CT55: variants seen among roughly 807,000 people sequenced by gnomAD.
The protein encoded by CT55 is BRCA2-interacting protein.
CT55 carries 1 observed loss-of-function variant against 12.6 expected under a neutral mutation model. The ratio of observed to expected loss-of-function variants is 0.08; its 90% confidence interval spans 0.03 to 0.38. The LOEUF (loss-of-function observed/expected upper bound fraction) is 0.38. CT55 is among the 10% of genes least tolerant of loss of function. CT55 has a pLI of 0.99. For missense variants in CT55, 109 were observed against 135.4 expected (o/e 0.80, Z 0.97); for synonymous variants, 43 against 49.7 (o/e 0.87, Z 0.57).
chrX:135,159,947 C>T (rs1349462360), intron 3 of CT55, among the ~76,000 whole-genome samples: 5 of 111,264 alleles, frequency 4.5e-5, no homozygotes, highest in Middle Eastern at 4.6e-3. Context: ...CACACACACA[C>T]ACACAAACAG....
At chrX:135,170,067 C>T (rs1191270907) in intron 1 of CT55, among the ~76,000 whole-genome samples, 4 of 111,376 alleles carry the variant, frequency 3.6e-5, no homozygotes, top group African/African-American at 1.3e-4. Context: ...AGTGCAGTGG[C>T]GCAATCTGGG....
chrX:135,161,037 C>T (rs1265797465), intron 2 of CT55, among the ~76,000 whole-genome samples: 4 of 109,412 alleles, frequency 3.7e-5, no homozygotes, highest in African/African-American at 1.3e-4. Context: ...GGTAAAGGAG[C>T]AGGGAGGCAG....
rs782819590 is a variant in CT55, at chrX:135,171,079, T to C, written c.93A>G (p.Gln31=). The C allele has an allele frequency of 8.3e-7, 1 of 1,211,224 alleles. No homozygotes were observed. Among genetic ancestry groups the C allele is most frequent in the Non-Finnish European group, 1.1e-6 (1 of 895,158 alleles). ...ACAAGGGGACACACAGAGGAATACC[T>C]TGTGGGAGGCCCTGCTGCTGTGGGC... The part of the protein sequence containing the change: ...RQGPQQQGLP[Q]GDTQLTTVQG... Residue 31 remains glutamine, a splice_region_variant and synonymous_variant, in exon 1 of 6, where the codon CAA becomes CAG. Transcript: ENST00000276241.
At chrX:135,162,242 T>C (rs2083565869) in intron 2 of CT55, among the ~76,000 whole-genome samples, 1 of 112,728 alleles carries the variant, frequency 8.9e-6, no homozygotes, top group African/African-American at 3.2e-5. Flanking sequence ...TATGTTTAGA[T>C]ATAAATAAAT....
intron 2 of CT55, 112 bp from the exon 3 acceptor site, chrX:135,160,667 T>C (rs1376644841): frequency 2.4e-6 from 2 of 849,145 alleles, no homozygotes; most frequent in African/African-American, 4.2e-5. Context: ...TCCTAAACAC[T>C]GGAGAATATA....
At chrX:135,170,758 A>G (rs1164785726) in intron 1 of CT55, among the ~76,000 whole-genome samples, 1 of 111,534 alleles carries the variant, frequency 9.0e-6, no homozygotes, top group Non-Finnish European at 1.9e-5. Context: ...CTCGCAAATT[A>G]GGGAGTTTCT....
Position 135,171,257 on chromosome X carries a change from G to A in CT55, c.-86C>T, listed in dbSNP as rs1411809176. On this transcript the variant is annotated 5_prime_UTR_variant, in exon 1 of 6. Coordinates refer to ENST00000276241, the MANE Select transcript of CT55 (RefSeq NM_001031705.3). ...TCAGTAAGGGAAGCCCTCAGGTCACGGCGTCTCCTCAGGGACTCACTTCCT... is the reference window on the plus strand; with the variant it reads ...TCAGTAAGGGAAGCCCTCAGGTCACAGCGTCTCCTCAGGGACTCACTTCCT... 3.8e-5 allele frequency: 44 copies of A among 1,171,667 alleles called. No individual in the cohort carries two copies. Among genetic ancestry groups the A allele is most frequent in the African/African-American group, 3.7e-4 (21 of 56,539 alleles).
At chrX:135,168,206 G>A (rs1363563919) in intron 2 of CT55, among the ~76,000 whole-genome samples, 2 of 111,937 alleles carry the variant, frequency 1.8e-5, no homozygotes, top group Non-Finnish European at 3.8e-5. Flanking sequence ...GTCCATCTAC[G>A]GATGAGTGTA....
intron 3 of CT55, 43 bp from the exon 4 acceptor site, chrX:135,158,354 C>G (rs1556404524): frequency 1.2e-6 from 1 of 817,283 alleles, no homozygotes; most frequent in Non-Finnish European, 1.8e-6. Context: ...GATCTCTTAA[C>G]TAGGTCACTT....
At chrX:135,162,925 G>A (rs1485324516) in intron 2 of CT55, among the ~76,000 whole-genome samples, 1 of 111,711 alleles carries the variant, frequency 9.0e-6, no homozygotes, top group African/African-American at 3.3e-5. Flanking sequence ...AGTCTCACAA[G>A]GGACCAGCCT....
intron 3 of CT55, 128 bp downstream of exon 3, chrX:135,160,282 TG>T: frequency 1.5e-6 from 1 of 648,715 alleles, no homozygotes. Context: ...TAATTTCGAT[TG>T]GAACAGTCTA....
At chrX:135,159,461 A>G (rs1254502628) in intron 3 of CT55, among the ~76,000 whole-genome samples, 4 of 111,141 alleles carry the variant, frequency 3.6e-5, no homozygotes, top group Non-Finnish European at 5.7e-5. Context: ...CTCCACTCTC[A>G]CAACTGCTCA....
rs1465830914 is a variant in CT55 at position 135,171,085 on chromosome X, G to A, written c.87C>T (p.Leu29=). The change falls in exon 1 of 6, where the codon CTC becomes CTT. Residue 29 remains leucine (L), a synonymous_variant. Coordinates refer to ENST00000276241, the MANE Select transcript of CT55 (RefSeq NM_001031705.3). ...GGACACACAGAGGAATACCTTGTGG[G>A]AGGCCCTGCTGCTGTGGGCCCTGTC... ...AERQGPQQQG[L]PQGDTQLTTV... 3.3e-6 allele frequency: 4 copies of A among 1,211,456 alleles called. No individual in the cohort carries two copies. Among genetic ancestry groups the A allele is most frequent in the African/African-American group, 3.5e-5 (2 of 57,786 alleles).
chrX:135,162,607 C>T (rs1470424740), intron 2 of CT55, among the ~76,000 whole-genome samples: 12 of 111,584 alleles, frequency 1.1e-4, no homozygotes, highest in African/African-American at 3.3e-4. Context: ...ACCCCTTCCC[C>T]GACCTTCAAC....
intron 3 of CT55, among the ~76,000 whole-genome samples, chrX:135,158,958 G>A (rs1209856810): frequency 8.9e-6 from 1 of 112,123 alleles, no homozygotes; most frequent in African/African-American, 3.2e-5. Context: ...TTCAACTAAT[G>A]AACTCTTAAG....
intron 1 of CT55, 82 bp from the exon 2 acceptor site, chrX:135,169,860 C>T: frequency 1.5e-6 from 1 of 669,585 alleles, no homozygotes; most frequent in Admixed American, 3.7e-5. Context: ...TCACCATCTG[C>T]ATAACCCTGG....
chrX:135,163,537 A>C (rs2083570915), intron 2 of CT55, among the ~76,000 whole-genome samples: 1 of 111,562 alleles, frequency 9.0e-6, no homozygotes, highest in African/African-American at 3.3e-5. Flanking sequence ...AAGGAAGGAC[A>C]CGGAATGAAA....
intron 2 of CT55, among the ~76,000 whole-genome samples, chrX:135,168,728 C>T (rs1169675827): frequency 4.5e-5 from 5 of 111,398 alleles, no homozygotes; most frequent in African/African-American, 6.5e-5. Flanking sequence ...TGTATAGTCA[C>T]GTGACTTATA....
chrX:135,168,330 T>C (rs1556406290), intron 2 of CT55, among the ~76,000 whole-genome samples: 1 of 111,901 alleles, frequency 8.9e-6, no homozygotes, highest in Non-Finnish European at 1.9e-5. Flanking sequence ...GTAAGTGAGA[T>C]AAGCCAGTCA....
Sources: gnomAD v4.1 joint callset for allele counts (sites outside exome capture counted in the v4.1 genomes callset) on GRCh38, gnomAD v4.1.1 for gene constraint, MANE v1.5 for transcripts, NCBI Gene and HGNC (gene_info 2026-07-23, HGNC 2026-07-21) for gene names.